LHFPL3: variants seen among roughly 807,000 people sequenced by gnomAD.
LHFPL3 encodes LHFPL tetraspan subfamily member 3.
A neutral mutation model predicts 19.3 loss-of-function variants in LHFPL3; 5 were observed. The observed-to-expected ratio is 0.26, with a 90% CI of 0.14 to 0.54. The LOEUF (loss-of-function observed/expected upper bound fraction) is 0.54. Among genes scored for constraint, LHFPL3 ranks in the 20% least tolerant of loss-of-function variants. LHFPL3 has a pLI of 0.94. For missense variants in LHFPL3, 249 were observed against 307.4 expected (o/e 0.81, Z 1.42); for synonymous variants, 133 against 126.2 (o/e 1.05, Z -0.36).
chr7:104,729,926 T>C (rs1793666017), intron 1 of LHFPL3, among the ~76,000 whole-genome samples: 1 of 149,778 alleles, frequency 6.7e-6, no homozygotes, highest in Non-Finnish European at 1.5e-5. Context: ...CCCCAGTGTG[T>C]GATGTTCCCC....
Position 104,399,441 on chromosome 7 carries a change from T to TTTG in LHFPL3, c.445+70217_445+70218insTTG, listed in dbSNP as rs58951411. ...TGTACTATGTTCTTCTGTTTTTTTTTGTTTTTTAGGTTTTTTTTGTTTGTT... is the reference window on the plus strand; with the variant it reads ...TGTACTATGTTCTTCTGTTTTTTTTTTTGGTTTTTTAGGTTTTTTTTGTTTGTT... On this transcript the variant is annotated intron_variant, in intron 1 of 2. Coordinates refer to ENST00000424859, the MANE Select transcript of LHFPL3 (RefSeq NM_199000.3). The surrounding 1 kb of genome is among the most constrained non-coding windows in gnomAD (Gnocchi z 4.4). Among the ~76,000 whole-genome samples, 2 of 151,610 alleles carry TTTG rather than the reference T, an allele frequency of 1.3e-5. No individual in the cohort carries two copies. The highest frequency in any genetic ancestry group is 4.8e-5 in the African/African-American group (2 of 41,242).
At chr7:104,758,692 C>T (rs1228179064) in intron 2 of LHFPL3, among the ~76,000 whole-genome samples, 1 of 152,024 alleles carries the variant, frequency 6.6e-6, no homozygotes, top group Non-Finnish European at 1.5e-5. Context: ...CTGGCCCATT[C>T]CTCATGTGAC....
In LHFPL3 at chr7:104,829,712, T is replaced by G. The variant is rs978592051; in HGVS notation, c.683-76475T>G. On this transcript the variant is annotated intron_variant, in intron 2 of 2. Coordinates refer to ENST00000424859, the MANE Select transcript of LHFPL3 (RefSeq NM_199000.3). ...TCCATGGTGTATATGTGCCACATTT[T>G]CTTAATCCAGTCTATCATGGTTGGA... Among the ~76,000 whole-genome samples, 7 of 152,154 alleles carry G rather than the reference T, an allele frequency of 4.6e-5. 1 individual carries two copies. Among genetic ancestry groups the G allele is most frequent in the African/African-American group, 1.7e-4 (7 of 41,372 alleles).
chr7:104,769,151 A>G (rs942258579), intron 2 of LHFPL3: 2 of 152,266 alleles, frequency 1.3e-5, no homozygotes, highest in East Asian at 3.8e-4. Context: ...CATGTTATCT[A>G]TAGAAGCACA....
intron 1 of LHFPL3, among the ~76,000 whole-genome samples, chr7:104,440,038 G>GGT (rs1792188196): frequency 1.4e-5 from 2 of 140,294 alleles, no homozygotes; most frequent in Non-Finnish European, 3.0e-5. Context: ...CAAAGCCTGG[G>GGT]GGGGGGGAGG....
chr7:104,623,339 A>T (rs1791483584), intron 1 of LHFPL3, among the ~76,000 whole-genome samples: 1 of 152,002 alleles, frequency 6.6e-6, no homozygotes, highest in Non-Finnish European at 1.5e-5. Flanking sequence ...ATCATAAGAG[A>T]TCTTCAAAGG....
intron 1 of LHFPL3, among the ~76,000 whole-genome samples, chr7:104,624,666 T>C (rs1791510836): frequency 6.6e-6 from 1 of 152,110 alleles, no homozygotes; most frequent in Non-Finnish European, 1.5e-5. Flanking sequence ...AATAGAGAGA[T>C]GGATAGGTGG....
At chr7:104,901,435 G>C (rs922103828) in intron 2 of LHFPL3, among the ~76,000 whole-genome samples, 1 of 152,158 alleles carries the variant, frequency 6.6e-6, no homozygotes, top group South Asian at 2.1e-4. Flanking sequence ...TGCTCTGGTC[G>C]CAGTGTCTAA....
At position 104,834,516 on chromosome 7, in the gene LHFPL3, T is replaced by C. The variant is rs117854510; in HGVS notation, c.683-71671T>C. 9.5e-3 allele frequency among the ~76,000 whole-genome samples: 1,441 copies of C among 151,994 alleles called. 15 individuals are homozygous for C. The highest frequency in any genetic ancestry group is 0.014 in the Non-Finnish European group (977 of 68,026). The stretch of plus-strand genomic sequence containing the variant: ...CATTTGCTTATTGAAATCACCCATT[T>C]ATGTCAGTGGGGTCTAGCTAAGCAG... On this transcript the variant is annotated intron_variant, in intron 2 of 2. Transcript: ENST00000424859.
At chr7:104,689,888 A>T (rs1171926318) in intron 1 of LHFPL3, among the ~76,000 whole-genome samples, 3 of 152,216 alleles carry the variant, frequency 2.0e-5, no homozygotes, top group African/African-American at 4.8e-5. Context: ...GCCAGAATGC[A>T]TAATTGGCAC....
chr7:104,733,470 T>C (rs1793743066), intron 1 of LHFPL3, among the ~76,000 whole-genome samples: 1 of 152,218 alleles, frequency 6.6e-6, no homozygotes, highest in Non-Finnish European at 1.5e-5. Flanking sequence ...CCTTTACCAT[T>C]ATGTAATGGC....
chr7:104,536,710 G>A (rs1011303153), intron 1 of LHFPL3, among the ~76,000 whole-genome samples: 4 of 152,150 alleles, frequency 2.6e-5, no homozygotes, highest in Non-Finnish European at 5.9e-5. Flanking sequence ...TTTTACACCA[G>A]TAAGATGCTC....
chr7:104,368,305 T>A (rs1331538514), intron 1 of LHFPL3, among the ~76,000 whole-genome samples: 1 of 149,578 alleles, frequency 6.7e-6, no homozygotes, highest in African/African-American at 2.5e-5. Context: ...GTAAGAACAC[T>A]TAACATGAGA....
At chr7:104,830,830 T>C (rs1024345371) in intron 2 of LHFPL3, among the ~76,000 whole-genome samples, 4 of 151,886 alleles carry the variant, frequency 2.6e-5, no homozygotes, top group Non-Finnish European at 4.4e-5. Context: ...TTTTTTGCCT[T>C]TTAAAAGGGA....
chr7:104,639,133 G>A (rs1791784354), intron 1 of LHFPL3, among the ~76,000 whole-genome samples: 1 of 152,114 alleles, frequency 6.6e-6, no homozygotes, highest in African/African-American at 2.4e-5. Context: ...CAATATTTCA[G>A]TATGAATGGT....
chr7:104,672,413 T>C (rs533233112), intron 1 of LHFPL3, among the ~76,000 whole-genome samples: 1 of 152,318 alleles, frequency 6.6e-6, no homozygotes, highest in African/African-American at 2.4e-5. Context: ...CTTGGTGTTC[T>C]CAGTTCCTCG....
chr7:104,740,626 A>T (rs551496183), intron 2 of LHFPL3, among the ~76,000 whole-genome samples: 7 of 152,326 alleles, frequency 4.6e-5, no homozygotes, highest in African/African-American at 1.7e-4. Flanking sequence ...GCAAAGTCAC[A>T]TCTACAGGGC....
At chr7:104,842,800 G>A (rs1261685603) in intron 2 of LHFPL3, among the ~76,000 whole-genome samples, 1 of 152,130 alleles carries the variant, frequency 6.6e-6, no homozygotes, top group Non-Finnish European at 1.5e-5. Flanking sequence ...CTCAATTTCT[G>A]CAAACACCAA....
At chr7:104,574,875 C>G (rs1004796586) in intron 1 of LHFPL3, among the ~76,000 whole-genome samples, 3 of 152,074 alleles carry the variant, frequency 2.0e-5, no homozygotes, top group Non-Finnish European at 1.5e-5. Context: ...AGAAGAGTGA[C>G]AATAAAACAC....
Sources: allele counts gnomAD v4.1 joint callset (sites outside exome capture counted in the v4.1 genomes callset), GRCh38; gene constraint gnomAD v4.1.1; non-coding constraint Gnocchi (gnomAD v3.1); transcripts MANE v1.5; gene names NCBI Gene and HGNC (gene_info 2026-07-23, HGNC 2026-07-21).